The following FMN1 variants were observed in gnomAD, a reference collection of about 807,000 sequenced individuals.
FMN1 encodes the protein formin 1.
A neutral mutation model predicts 132.4 loss-of-function variants in FMN1; 110 were observed. That is an observed-to-expected ratio of 0.83 (90% CI 0.71 to 0.97). The LOEUF (loss-of-function observed/expected upper bound fraction) is 0.97. FMN1 is among the 50% of genes least tolerant of loss of function. FMN1 has a pLI of 0.00. For missense variants in FMN1, 1,792 were observed against 1,705.3 expected (o/e 1.05, Z -0.90); for synonymous variants, 722 against 651.7 (o/e 1.11, Z -1.64).
At chr15:32,830,667 A>G (rs1248597372) in intron 17 of FMN1, among the ~76,000 whole-genome samples, 1 of 152,190 alleles carries the variant, frequency 6.6e-6, no homozygotes, top group Non-Finnish European at 1.5e-5. Context: ...TTAAAAATTG[A>G]AAGAAGTGCC....
At chr15:32,875,014 C>T (rs2059605911) in intron 16 of FMN1, among the ~76,000 whole-genome samples, 1 of 152,180 alleles carries the variant, frequency 6.6e-6, no homozygotes, top group South Asian at 2.1e-4. Context: ...GTTTCTGGTC[C>T]AGCGGGTCCT....
chr15:32,987,257 G>A (rs756546608), intron 7 of FMN1, among the ~76,000 whole-genome samples: 1 of 152,114 alleles, frequency 6.6e-6, no homozygotes, highest in African/African-American at 2.4e-5. Context: ...GACCGCTGTA[G>A]CGTTTCATAC....
chr15:33,031,535 C>T (rs1018324544), intron 6 of FMN1, among the ~76,000 whole-genome samples: 8 of 152,158 alleles, frequency 5.3e-5, no homozygotes, highest in Non-Finnish European at 1.2e-4. Context: ...CCCCATTAAA[C>T]CTTTAGCAAT....
Position 32,969,421 on chromosome 15 carries a change from C to T in FMN1, c.2280G>A (p.Ala760=), listed in dbSNP as rs1353020706. 2.5e-6 allele frequency: 4 copies of T among 1,613,928 alleles called. No homozygotes were observed. Among genetic ancestry groups the T allele is most frequent in the East Asian group, 2.2e-5 (1 of 44,884 alleles). Residue 760 remains alanine, a synonymous_variant, in exon 8 of 21, where the codon GCG becomes GCA. Transcript: ENST00000616417. ...GATTTTCAATGGTTTCTTCTAGTCT[C>T]GCTGTTATCATTGCATGCTCGCCCC... ...HIRGEHAMIT[A]RLEETIENLK... is the part of the protein sequence containing the mutation.
chr15:33,125,698 G>A (rs1323940658), intron 4 of FMN1, among the ~76,000 whole-genome samples: 1 of 97,900 alleles, frequency 1.0e-5, no homozygotes, highest in Non-Finnish European at 1.9e-5. Flanking sequence ...AATTAGTCAG[G>A]TGTCTCAAAA....
At chr15:32,841,488 G>T (rs988079322) in intron 17 of FMN1, among the ~76,000 whole-genome samples, 1 of 152,118 alleles carries the variant, frequency 6.6e-6, no homozygotes, top group African/African-American at 2.4e-5. Context: ...TTTCAATGTT[G>T]ATTTAGAAAT....
chr15:33,096,614 T>G (rs1183332634), intron 4 of FMN1, among the ~76,000 whole-genome samples: 1 of 152,166 alleles, frequency 6.6e-6, no homozygotes, highest in Non-Finnish European at 1.5e-5. Flanking sequence ...TTTTTTTTTT[T>G]TCTTAGACAG....
chr15:32,950,030 TATACACATATATATATATATACAC>T lies in FMN1; in HGVS notation c.3138+14053_3138+14076del, dbSNP rs2061607821. 6.0e-3 allele frequency among the ~76,000 whole-genome samples: 26 copies of T among 4,320 alleles called. 7 individuals carry two copies. The highest frequency in any genetic ancestry group is 0.01 in the African/African-American group (21 of 2,024). The allele number at this position is 4,320 out of a possible 152,430, so 2.8% of individuals were successfully genotyped here. ...ATATATATATACACATATATATATA[TATACACATATATATATATATACAC>T]ATATATATATATATATATATATATA... On this transcript the variant is annotated intron_variant, in intron 9 of 20. Transcript: ENST00000616417.
chr15:33,129,413 T>A (rs1313676358), intron 4 of FMN1, among the ~76,000 whole-genome samples: 1 of 152,220 alleles, frequency 6.6e-6, no homozygotes, highest in African/African-American at 2.4e-5. Flanking sequence ...ACCAAAACAC[T>A]GTTGAAATCT....
At chr15:32,903,891 T>G (rs775771238) in intron 12 of FMN1, among the ~76,000 whole-genome samples, 6 of 151,544 alleles carry the variant, frequency 4.0e-5, no homozygotes, top group Admixed American at 1.3e-4. Context: ...TGTTCCAATG[T>G]CCTCTTTAAG....
At chr15:33,144,850 G>A (rs960810243) in intron 4 of FMN1, among the ~76,000 whole-genome samples, 5 of 152,078 alleles carry the variant, frequency 3.3e-5, no homozygotes, top group African/African-American at 9.7e-5. Context: ...ACCAAAAGGA[G>A]TGGGATTTTA....
chr15:32,908,465 A>C, intron 12 of FMN1, 25 bp downstream of exon 12: 2 of 1,512,984 alleles, frequency 1.3e-6, no homozygotes, highest in East Asian at 2.3e-5. Context: ...TTTTGGCCTA[A>C]CAGAAAAATG....
At chr15:33,082,639 G>C (rs532945940) in intron 5 of FMN1, among the ~76,000 whole-genome samples, 57 of 152,234 alleles carry the variant, frequency 3.7e-4, no homozygotes, top group African/African-American at 1.4e-3. Flanking sequence ...AAATCTGGTT[G>C]AAAGTGCCCT....
intron 16 of FMN1, among the ~76,000 whole-genome samples, chr15:32,886,566 T>C (rs1040159358): frequency 1.3e-5 from 2 of 152,094 alleles, no homozygotes; most frequent in African/African-American, 4.8e-5. Flanking sequence ...TTGCTATTTA[T>C]CATCAAACGT....
intron 3 of FMN1, among the ~76,000 whole-genome samples, chr15:33,156,882 C>T (rs1016202053): frequency 6.6e-6 from 1 of 152,178 alleles, no homozygotes; most frequent in Non-Finnish European, 1.5e-5. Flanking sequence ...GCTCTCCTCT[C>T]TCTTCAAGCA....
chr15:32,857,258 G>C (rs878922657), intron 16 of FMN1, among the ~76,000 whole-genome samples, 151 bp from the exon 17 acceptor site: 1 of 152,080 alleles, frequency 6.6e-6, no homozygotes, highest in East Asian at 1.9e-4. Context: ...GGGGCAGGGG[G>C]AACAAAACCC....
chr15:32,963,266 T>C (rs534799518), intron 9 of FMN1, among the ~76,000 whole-genome samples: 79 of 148,418 alleles, frequency 5.3e-4, no homozygotes, highest in African/African-American at 1.9e-3. Context: ...CACCGCATAT[T>C]CTCACTCATA....
intron 5 of FMN1, among the ~76,000 whole-genome samples, chr15:33,066,010 C>T (rs1038861753): frequency 3.9e-5 from 6 of 152,136 alleles, no homozygotes; most frequent in African/African-American, 1.4e-4. Flanking sequence ...AGAATAAAAA[C>T]CCAGGTCTCA....
intron 9 of FMN1, among the ~76,000 whole-genome samples, chr15:32,962,423 T>TAG (rs1376640678): frequency 6.6e-6 from 1 of 151,912 alleles, no homozygotes; most frequent in Non-Finnish European, 1.5e-5. Flanking sequence ...ATTCAGGACA[T>TAG]AGGCATGGGC....
Sources: gnomAD v4.1 joint callset for allele counts (sites outside exome capture counted in the v4.1 genomes callset) on GRCh38, gnomAD v4.1.1 for gene constraint, MANE v1.5 for transcripts, NCBI Gene and HGNC (gene_info 2026-07-23, HGNC 2026-07-21) for gene names.